The following NRXN1 variants were observed in gnomAD, a reference collection of about 807,000 sequenced individuals.
NRXN1 encodes neurexin 1.
A neutral mutation model predicts 150.9 loss-of-function variants in NRXN1; 39 were observed. The observed-to-expected ratio is 0.26, with a 90% CI of 0.20 to 0.34. The LOEUF (loss-of-function observed/expected upper bound fraction) is 0.34, where lower values mean the gene tolerates loss of function less well. NRXN1 is among the 10% of genes least tolerant of loss of function. NRXN1 has a pLI of 1.00. For missense variants in NRXN1, 1,815 were observed against 1,949.9 expected, an observed-to-expected ratio of 0.93 and a Z score of 1.30; for synonymous variants, 924 against 757.0, an observed-to-expected ratio of 1.22 and a Z score of -3.62.
At chr2:50,400,839 T>C (rs543494580) in intron 17 of NRXN1, among the ~76,000 whole-genome samples, 1 of 152,304 alleles carries the variant, frequency 6.6e-6, no homozygotes, top group Admixed American at 6.5e-5. Context: ...AAGATATGAA[T>C]ATGTTTAAGA....
intron 5 of NRXN1, among the ~76,000 whole-genome samples, chr2:50,887,996 T>C (rs1252509490): frequency 1.3e-5 from 2 of 150,578 alleles, no homozygotes; most frequent in African/African-American, 4.9e-5. Flanking sequence ...GGCTGGATAA[T>C]GTATAATCAG....
chr2:50,103,865 C>CAAA (rs113500100), intron 18 of NRXN1, among the ~76,000 whole-genome samples: 5 of 150,388 alleles, frequency 3.3e-5, no homozygotes, highest in Non-Finnish European at 5.9e-5. Flanking sequence ...CAGCCATTGA[C>CAAA]CAAACAAACA....
intron 21 of NRXN1, among the ~76,000 whole-genome samples, chr2:50,034,011 C>A (rs886871330): frequency 1.3e-5 from 2 of 149,186 alleles, no homozygotes; most frequent in African/African-American, 2.5e-5. Flanking sequence ...GGTGAGGTTG[C>A]AAACAGAAGA....
At chr2:50,459,554 C>T (rs1246624184) in intron 17 of NRXN1, among the ~76,000 whole-genome samples, 4 of 152,124 alleles carry the variant, frequency 2.6e-5, no homozygotes, top group African/African-American at 4.8e-5. Context: ...CAAATGGGAA[C>T]ATGTGGTATT....
At chr2:50,381,858 G>A in intron 17 of NRXN1, among the ~76,000 whole-genome samples, 1 of 152,098 alleles carries the variant, frequency 6.6e-6, no homozygotes, top group East Asian at 1.9e-4. Flanking sequence ...ACTTTTGCCA[G>A]GAGTAGTTTC....
chr2:50,839,561 T>A (rs1392507231), intron 5 of NRXN1, among the ~76,000 whole-genome samples: 1 of 152,118 alleles, frequency 6.6e-6, no homozygotes, highest in Non-Finnish European at 1.5e-5. Context: ...CAGAGAAAGA[T>A]CTTCATGCAT....
At chr2:50,172,397 G>C (rs961589065) in intron 18 of NRXN1, among the ~76,000 whole-genome samples, 1 of 152,064 alleles carries the variant, frequency 6.6e-6, no homozygotes, top group African/African-American at 2.4e-5. Flanking sequence ...TCTCTAGCTT[G>C]ATGTTCTTCT....
chr2:50,089,200 T>C (rs1042882317), intron 19 of NRXN1, among the ~76,000 whole-genome samples: 5 of 152,180 alleles, frequency 3.3e-5, no homozygotes, highest in African/African-American at 1.2e-4. Context: ...GTGTTAAAAG[T>C]TACTAAATAA....
At chr2:49,984,718 A>AACACACACACACACACAC (rs149322054) in intron 21 of NRXN1, among the ~76,000 whole-genome samples, 30 of 146,950 alleles carry the variant, frequency 2.0e-4, no homozygotes, top group Admixed American at 6.8e-4. Context: ...AGAACACACA[A>AACACACACACACACACAC]ACACACACAC....
chr2:50,089,737 C>A (rs1260797713), intron 19 of NRXN1, among the ~76,000 whole-genome samples: 2 of 151,128 alleles, frequency 1.3e-5, no homozygotes, highest in African/African-American at 4.9e-5. Context: ...TTACAGTGAG[C>A]TATGACTGCC....
intron 2 of NRXN1, among the ~76,000 whole-genome samples, chr2:50,971,359 C>G (rs895716793): frequency 6.6e-6 from 1 of 151,914 alleles, no homozygotes; most frequent in South Asian, 2.1e-4. Flanking sequence ...CCACAGTGGG[C>G]GGATCACAAG....
At chr2:50,348,956 T>C (rs1185850332) in intron 17 of NRXN1, among the ~76,000 whole-genome samples, 1 of 152,204 alleles carries the variant, frequency 6.6e-6, no homozygotes, top group Non-Finnish European at 1.5e-5. Flanking sequence ...TAAAGTCCAG[T>C]ATTTTTTAAA....
chr2:50,665,615 T>G (rs1031652733), intron 5 of NRXN1, among the ~76,000 whole-genome samples: 1 of 152,162 alleles, frequency 6.6e-6, no homozygotes, highest in East Asian at 1.9e-4. Context: ...GTATTTGAGC[T>G]TGTGACTTAT....
intron 2 of NRXN1, among the ~76,000 whole-genome samples, chr2:50,940,136 T>A (rs570521780): frequency 6.6e-6 from 1 of 152,176 alleles, no homozygotes; most frequent in Non-Finnish European, 1.5e-5. Flanking sequence ...TTTCAATCCA[T>A]GAACTTAGAG....
intron 2 of NRXN1, among the ~76,000 whole-genome samples, chr2:51,013,881 C>T (rs999090360): frequency 5.3e-5 from 8 of 151,986 alleles, no homozygotes; most frequent in African/African-American, 1.9e-4. Context: ...AGTCCAAATT[C>T]TTTTTTCTGT....
intron 8 of NRXN1, among the ~76,000 whole-genome samples, chr2:50,576,603 C>T (rs1671474290): frequency 6.6e-6 from 1 of 152,156 alleles, no homozygotes; most frequent in Admixed American, 6.5e-5. Flanking sequence ...TCATTAATTA[C>T]CAGACACACA....
intron 5 of NRXN1, among the ~76,000 whole-genome samples, chr2:50,783,085 G>GA (rs1343217088): frequency 5.9e-5 from 9 of 152,028 alleles, no homozygotes; most frequent in Non-Finnish European, 5.9e-5. Context: ...ATGAATTTTG[G>GA]AAAAGTTATG....
At chr2:50,885,855 C>CTA (rs969858337) in intron 5 of NRXN1, among the ~76,000 whole-genome samples, 2 of 96,984 alleles carry the variant, frequency 2.1e-5, no homozygotes, top group Non-Finnish European at 5.2e-5. Context: ...ACACACACGT[C>CTA]TATACCATTT....
chr2:50,742,349 TG>T (rs1010918946), intron 5 of NRXN1, among the ~76,000 whole-genome samples: 24 of 152,030 alleles, frequency 1.6e-4, no homozygotes, highest in Admixed American at 1.5e-3. Flanking sequence ...CCAAATGATT[TG>T]GTTTGCTTTA....
Sources: gnomAD v4.1 joint callset for allele counts (sites outside exome capture counted in the v4.1 genomes callset) on GRCh38, gnomAD v4.1.1 for gene constraint, MANE v1.5 for transcripts, NCBI Gene and HGNC (gene_info 2026-07-23, HGNC 2026-07-21) for gene names.